Variants in GUCY1B1 observed in about 807,000 individuals in gnomAD.
The protein encoded by GUCY1B1 is guanylate cyclase 1 soluble subunit beta 1.
In GUCY1B1, 43 loss-of-function variants were observed where a neutral mutation model predicts 71.0. That is an observed-to-expected ratio of 0.61 (90% confidence interval 0.47 to 0.78). The LOEUF is 0.78. GUCY1B1 is among the 30% of genes least tolerant of loss of function. The pLI, the probability that GUCY1B1 is intolerant of heterozygous loss-of-function variation, is 0.00. For synonymous variants in GUCY1B1, 266 were observed against 259.7 expected, an observed-to-expected ratio of 1.02 and a Z score of -0.23; for missense variants, 535 against 754.1, an observed-to-expected ratio of 0.71 and a Z score of 3.40.
intron 10 of GUCY1B1, 36 bp from the exon 11 acceptor site, chr4:155,803,588 T>G: frequency 7.2e-7 from 1 of 1,380,152 alleles, no homozygotes; most frequent in Non-Finnish European, 9.5e-7. Context: ...GTCTTTTTTA[T>G]GCTAACCGTG....
chr4:155,782,012 A>G (rs1349755968), intron 4 of GUCY1B1, among the ~76,000 whole-genome samples: 3 of 152,264 alleles, frequency 2.0e-5, no homozygotes, highest in African/African-American at 4.8e-5. Context: ...TAAATTGACA[A>G]TAAAATGTGT....
intron 4 of GUCY1B1, among the ~76,000 whole-genome samples, chr4:155,783,597 C>A (rs1738578395): frequency 6.6e-6 from 1 of 152,114 alleles, no homozygotes. Context: ...GTTCAGCCTG[C>A]CATGGGATTT....
intron 2 of GUCY1B1, among the ~76,000 whole-genome samples, chr4:155,769,150 A>G (rs886881720): frequency 1.3e-5 from 2 of 152,070 alleles, no homozygotes; most frequent in South Asian, 2.1e-4. Flanking sequence ...AGATTTTTGC[A>G]TAGGTTAATT....
rs898028981 is a variant in GUCY1B1 at position 155,763,822 on chromosome 4, G to A, written c.77+3962G>A. On this transcript the variant is annotated intron_variant, in intron 2 of 13. Coordinates refer to ENST00000264424, the MANE Select transcript of GUCY1B1 (RefSeq NM_000857.5). ...GGAAAAAATAATACTTCACAGAGCT[G>A]ATGTAATGCATTGAATAATGTCTGC... Among the ~76,000 whole-genome samples, 3 of 152,164 alleles carry A rather than the reference G, an allele frequency of 2.0e-5. 1 individual carries two copies. The highest frequency in any genetic ancestry group is 2.1e-4 in the South Asian group (1 of 4,830).
At chr4:155,776,582 A>C (rs1322495142) in intron 3 of GUCY1B1, among the ~76,000 whole-genome samples, 1 of 152,096 alleles carries the variant, frequency 6.6e-6, no homozygotes, top group African/African-American at 2.4e-5. Flanking sequence ...AGGCAGGAGA[A>C]TGGCCTGAAC....
intron 8 of GUCY1B1, among the ~76,000 whole-genome samples, chr4:155,799,004 A>G (rs990984920): frequency 6.6e-6 from 1 of 152,008 alleles, no homozygotes; most frequent in African/African-American, 2.4e-5. Context: ...CACCCAGCTC[A>G]TTTTTGTATT....
At position 155,805,084 on chromosome 4, in the gene GUCY1B1, C is replaced by T. The variant is rs1321908773; in HGVS notation, c.1710-19C>T. The T allele has an allele frequency of 6.2e-7, 1 of 1,606,044 alleles. No homozygotes were observed. Among genetic ancestry groups the T allele is most frequent in the East Asian group, 2.2e-5 (1 of 44,792 alleles). ...CTTGTGTATACTTCTCTCTCTACTC[C>T]CCTTCCCTTGTCTTTTAGATGTCTT... On this transcript the variant is annotated intron_variant, in intron 12 of 13. Transcript: ENST00000264424.
chr4:155,761,808 G>C (rs978308478), intron 2 of GUCY1B1, among the ~76,000 whole-genome samples: 1 of 152,064 alleles, frequency 6.6e-6, no homozygotes, highest in African/African-American at 2.4e-5. Flanking sequence ...TTGTCTAAAG[G>C]ATAAAAATTC....
intron 2 of GUCY1B1, among the ~76,000 whole-genome samples, chr4:155,764,798 C>T (rs1161341580): frequency 6.6e-6 from 1 of 152,174 alleles, no homozygotes; most frequent in East Asian, 1.9e-4. Context: ...AGTGTATACT[C>T]CATCACATAC....
Position 155,802,187 on chromosome 4 carries a change from C to G in GUCY1B1, c.1176-155C>G. The G allele has an allele frequency of 6.8e-7, 1 of 1,462,888 alleles. No homozygotes were observed. The highest frequency in any genetic ancestry group is 9.0e-7 in the Non-Finnish European group (1 of 1,107,032). 90.6% of individuals were successfully genotyped at this position (1,462,888 alleles called of 1,614,324 possible). Reference sequence around the variant, plus strand: ...TTCTGTAAATCCTTGCTTATAAATACAGCTAATATTTGATGCTAATTTTAG... The same window carrying G: ...TTCTGTAAATCCTTGCTTATAAATAGAGCTAATATTTGATGCTAATTTTAG... On this transcript the variant is annotated intron_variant, in intron 9 of 13. Transcript: ENST00000264424. The surrounding 1 kb of genome is among the most constrained non-coding windows in gnomAD (Gnocchi z 4.3).
In GUCY1B1 at chr4:155,759,029, T is replaced by C; in HGVS notation, c.-112T>C. The C allele has an allele frequency of 1.7e-6, 2 of 1,194,380 alleles. No homozygotes were observed. The highest frequency in any genetic ancestry group is 1.5e-5 in the African/African-American group (1 of 66,608). The allele number at this position is 1,194,380 out of a possible 1,614,324, so 74.0% of individuals were successfully genotyped here. On this transcript the variant is annotated 5_prime_UTR_variant, in exon 1 of 14. Transcript: ENST00000264424. Reference sequence around the variant, plus strand: ...CCAAGGCGGCTGTTCTCGCTCCAGCTCGATGCTGCCTCCCCGGCCCGGTTG... The same window carrying C: ...CCAAGGCGGCTGTTCTCGCTCCAGCCCGATGCTGCCTCCCCGGCCCGGTTG...
intron 4 of GUCY1B1, 79 bp downstream of exon 4, chr4:155,777,721 C>T (rs1676904888): frequency 9.4e-6 from 7 of 746,158 alleles, no homozygotes; most frequent in South Asian, 6.3e-5. Context: ...CTTTTGTTCA[C>T]TCAGCTGTAC....
chr4:155,787,616 A>G (rs1738885973), intron 4 of GUCY1B1, among the ~76,000 whole-genome samples: 1 of 152,218 alleles, frequency 6.6e-6, no homozygotes, highest in Non-Finnish European at 1.5e-5. Context: ...CTTAATCCTC[A>G]TCATGCAGAT....
In GUCY1B1 at chr4:155,789,876, G is replaced by T; in HGVS notation, c.460G>T (p.Ala154Ser). Residue 154 changes from alanine to serine, a missense_variant, in exon 5 of 14, where the codon GCA (alanine) becomes TCA (serine). Transcript: ENST00000264424. ...DIVIGIIKTVAQQIHGTEIDM... is the reference protein window; with the variant it reads ...DIVIGIIKTVSQQIHGTEIDM... The stretch of plus-strand genomic sequence containing the variant: ...TGTCATTGGAATCATCAAAACAGTG[G>T]CACAACAAATCCATGGCACTGAAAT... 6.2e-7 allele frequency: 1 copy of T among 1,612,456 alleles called. No homozygotes were observed. The highest frequency in any genetic ancestry group is 8.5e-7 in the Non-Finnish European group (1 of 1,178,906).
intron 8 of GUCY1B1, among the ~76,000 whole-genome samples, chr4:155,799,502 GAGA>G (rs1739796743): frequency 8.5e-6 from 1 of 117,258 alleles, no homozygotes; most frequent in Non-Finnish European, 1.9e-5. Flanking sequence ...ATTCTTGAGA[GAGA>G]GAATAAAGAT....
At chr4:155,797,756 T>TAATAATAATAAGAATAATAAG (rs1182874075) in intron 8 of GUCY1B1, among the ~76,000 whole-genome samples, 1 of 149,332 alleles carries the variant, frequency 6.7e-6, no homozygotes, top group Non-Finnish European at 1.5e-5. Context: ...ATAATAATAA[T>TAATAATAATAAGAATAATAAG]AATAATATAT....
chr4:155,791,263 CA>C (rs1739137035), intron 5 of GUCY1B1, among the ~76,000 whole-genome samples: 1 of 151,396 alleles, frequency 6.6e-6, no homozygotes, highest in East Asian at 2.0e-4. Context: ...TACAGGCCCC[CA>C]CCACCACGCC....
In GUCY1B1 at chr4:155,802,510, C is replaced by A. The variant is rs1235118058; in HGVS notation, c.1344C>A (p.Asn448Lys). ...GAGAAGGAGCCATGAAGATCGTCAA[C>A]CTCCTCAACGACCTCTACACCAGAT... is the stretch of plus-strand genomic sequence containing the variant. Reference protein sequence around the residue: ...ASGEGAMKIVNLLNDLYTRFD... With the variant: ...ASGEGAMKIVKLLNDLYTRFD... Residue 448 changes from asparagine (N) to lysine (K), a missense_variant, in exon 10 of 14, where the codon AAC (asparagine) becomes AAA (lysine). By Grantham distance (94) the Asn-to-Lys change is moderately conservative. Transcript: ENST00000264424. This position sits in a 1 kb window ranked among gnomAD's most constrained non-coding sequence, Gnocchi z 4.3. 81 of 1,612,644 alleles carry A rather than the reference C, an allele frequency of 5.0e-5. No homozygotes were observed. The highest frequency in any genetic ancestry group is 6.7e-5 in the Non-Finnish European group (79 of 1,179,386).
rs70954058 is a variant in GUCY1B1, at chr4:155,786,461, C to CT, written c.298-3227dup. 2.4e-3 allele frequency among the ~76,000 whole-genome samples: 91 copies of CT among 37,158 alleles called. 6 individuals carry two copies. The highest frequency in any genetic ancestry group is 3.4e-3 in the East Asian group (5 of 1,490). 24.4% of individuals were successfully genotyped at this position (37,158 alleles called of 152,430 possible). ...GCTAATTTTTGTATTTTCTTTCTTT[C>CT]TTTTTTTTTTTTTTTTTTTTTTTTT... On this transcript the variant is annotated intron_variant, in intron 4 of 13. Coordinates refer to ENST00000264424, the MANE Select transcript of GUCY1B1 (RefSeq NM_000857.5).
Sources: gnomAD v4.1 joint callset for allele counts (sites outside exome capture counted in the v4.1 genomes callset) on GRCh38, gnomAD v4.1.1 for gene constraint, Gnocchi (gnomAD v3.1) non-coding constraint, MANE v1.5 for transcripts, NCBI Gene and HGNC (gene_info 2026-07-23, HGNC 2026-07-21) for gene names.